The following SDK1 variants were observed in gnomAD, a reference collection of about 807,000 sequenced individuals.
The protein encoded by SDK1 is protein sidekick-1.
Under a neutral mutation model 245.5 loss-of-function variants are expected in SDK1, and 157 were observed. The observed-to-expected ratio is 0.64, with a 90% CI of 0.56 to 0.73. SDK1 has a LOEUF of 0.73. Ranked by LOEUF, SDK1 falls within the 30% of genes least tolerant of loss-of-function variation. SDK1 has a pLI of 0.00. For missense variants in SDK1, 3,583 were observed against 3,002.3 expected (o/e 1.19, Z -4.52); for synonymous variants, 1,647 against 1,278.5 (o/e 1.29, Z -6.15).
intron 4 of SDK1, among the ~76,000 whole-genome samples, chr7:3,707,715 T>G (rs1784931690): frequency 6.6e-6 from 1 of 152,226 alleles, no homozygotes; most frequent in East Asian, 1.9e-4. Context: ...AAATGTTTCA[T>G]GAATCTGTGA....
intron 17 of SDK1, among the ~76,000 whole-genome samples, chr7:4,025,408 G>A (rs73673251): frequency 0.064 from 9,681 of 152,276 alleles, 952 homozygotes; most frequent in African/African-American, 0.22. Flanking sequence ...CGGAGGACTG[G>A]GGTGGAGCAG....
intron 12 of SDK1, 141 bp downstream of exon 12, chr7:3,971,709 GCA>G: frequency 1.5e-6 from 1 of 670,854 alleles, no homozygotes; most frequent in Non-Finnish European, 2.7e-6. Flanking sequence ...CTGGTTGTGG[GCA>G]CCGTCATTAA....
intron 22 of SDK1, among the ~76,000 whole-genome samples, chr7:4,094,589 C>T (rs987830256): frequency 5.9e-5 from 9 of 152,230 alleles, no homozygotes; most frequent in African/African-American, 2.2e-4. Flanking sequence ...ACCAAGACCT[C>T]ATGGCAGGTG....
intron 1 of SDK1, among the ~76,000 whole-genome samples, chr7:3,317,904 T>G (rs1043467173): frequency 2.6e-5 from 4 of 152,236 alleles, no homozygotes; most frequent in Admixed American, 2.6e-4. Context: ...TATGCAGTGC[T>G]TATTTCTTAT....
At chr7:3,611,388 G>C (rs1781582535) in intron 1 of SDK1, among the ~76,000 whole-genome samples, 1 of 152,010 alleles carries the variant, frequency 6.6e-6, no homozygotes, top group African/African-American at 2.4e-5. Flanking sequence ...TTGCACCGCC[G>C]CCTCTAGTTC....
intron 31 of SDK1, among the ~76,000 whole-genome samples, chr7:4,160,040 T>C (rs956437075): frequency 6.6e-6 from 1 of 152,224 alleles, no homozygotes; most frequent in Admixed American, 6.5e-5. Context: ...TGCACCACTT[T>C]ATTGTTAGCA....
intron 35 of SDK1, among the ~76,000 whole-genome samples, chr7:4,193,201 T>A (rs1354949915): frequency 5.3e-5 from 7 of 132,564 alleles, no homozygotes; most frequent in Non-Finnish European, 9.3e-5. Context: ...TTAATATATT[T>A]ATATATTAAT....
chr7:4,062,200 A>G (rs1166407683), intron 19 of SDK1, among the ~76,000 whole-genome samples: 1 of 152,194 alleles, frequency 6.6e-6, no homozygotes, highest in Non-Finnish European at 1.5e-5. Context: ...ACACAAAATC[A>G]ATAAACTGCT....
At chr7:3,723,661 T>G (rs1012507587) in intron 4 of SDK1, among the ~76,000 whole-genome samples, 3 of 147,438 alleles carry the variant, frequency 2.0e-5, no homozygotes, top group Non-Finnish European at 4.5e-5. Context: ...GTAAAAGTTG[T>G]GTGTGTGTGT....
chr7:3,607,239 G>A (rs749872321), intron 1 of SDK1, among the ~76,000 whole-genome samples: 1 of 152,012 alleles, frequency 6.6e-6, no homozygotes, highest in African/African-American at 2.4e-5. Context: ...TTTGGGTTCA[G>A]TGATAAAGCT....
intron 4 of SDK1, among the ~76,000 whole-genome samples, chr7:3,778,764 A>T (rs941072197): frequency 1.3e-5 from 2 of 152,240 alleles, no homozygotes; most frequent in African/African-American, 2.4e-5. Context: ...TGATGAGTTC[A>T]TAATTATTTA....
chr7:4,108,404 G>T (rs1783094356), intron 22 of SDK1, among the ~76,000 whole-genome samples: 1 of 150,790 alleles, frequency 6.6e-6, no homozygotes, highest in Admixed American at 6.6e-5. Flanking sequence ...GGCTACCCCA[G>T]TGCTGAGAAC....
At position 3,579,341 on chromosome 7, in the gene SDK1, G is replaced by A. The variant is rs144417864; in HGVS notation, c.299-39739G>A. ...AGGACTCCACCATGATCAGGTAGGC[G>A]TTATCCCTGGGATGCAAGGTTGGTT... On this transcript the variant is annotated intron_variant, in intron 1 of 44. Transcript: ENST00000404826. Among the ~76,000 whole-genome samples the A allele has an allele frequency of 1.5e-3, 235 of 152,316 alleles. 2 individuals carry two copies. The highest frequency in any genetic ancestry group is 5.0e-3 in the African/African-American group (208 of 41,580).
intron 16 of SDK1, 109 bp from the exon 17 acceptor site, chr7:4,017,062 C>G (rs2128151932): frequency 2.8e-6 from 3 of 1,089,352 alleles, no homozygotes; most frequent in Middle Eastern, 6.2e-4. Flanking sequence ...CAGCTCTGCT[C>G]TTGATTATTT....
intron 4 of SDK1, among the ~76,000 whole-genome samples, chr7:3,736,967 T>G (rs1779333586): frequency 6.6e-6 from 1 of 152,234 alleles, no homozygotes; most frequent in South Asian, 2.1e-4. Context: ...CATTCTACTC[T>G]CTGTTTCTAA....
At chr7:4,087,353 T>C (rs1427441441) in intron 22 of SDK1, among the ~76,000 whole-genome samples, 1 of 152,334 alleles carries the variant, frequency 6.6e-6, no homozygotes, top group East Asian at 1.9e-4. Flanking sequence ...TTCATTCTGT[T>C]CTATTAGCCT....
chr7:3,962,761 A>G lies in SDK1; in HGVS notation c.1339A>G (p.Lys447Glu), dbSNP rs1383657498. Residue 447 changes from lysine to glutamate, a missense_variant, in exon 9 of 45, where the codon AAG becomes GAG. Physicochemically the swap from Lys to Glu is moderately conservative, Grantham distance 56 (BLOSUM62 1). Transcript: ENST00000404826. ...VLASGGLRIQ[K>E]LRPEDSGIFQ... ...CGCCAGCGGAGGCCTGCGCATCCAG[A>G]AGCTGCGTCCAGAGGACTCCGGAAT... 6.2e-7 allele frequency: 1 copy of G among 1,613,628 alleles called. No homozygotes were observed. The highest frequency in any genetic ancestry group is 1.3e-5 in the African/African-American group (1 of 74,920).
At chr7:3,842,671 A>G (rs1780187839) in intron 5 of SDK1, among the ~76,000 whole-genome samples, 1 of 152,100 alleles carries the variant, frequency 6.6e-6, no homozygotes, top group South Asian at 2.1e-4. Flanking sequence ...ACACTTTAAG[A>G]AGGGTCTGGG....
intron 1 of SDK1, among the ~76,000 whole-genome samples, chr7:3,618,777 G>A (rs1019185757): frequency 2.0e-5 from 3 of 152,222 alleles, no homozygotes; most frequent in African/African-American, 2.4e-5. Flanking sequence ...AAGCTTGTAT[G>A]TACAGGGATT....
Sources: gnomAD v4.1 joint callset for allele counts (sites outside exome capture counted in the v4.1 genomes callset) on GRCh38, gnomAD v4.1.1 for gene constraint, MANE v1.5 for transcripts, NCBI Gene and HGNC (gene_info 2026-07-23, HGNC 2026-07-21) for gene names.